Variants in LAMC1 observed in about 807,000 individuals in gnomAD.
LAMC1 encodes laminin subunit gamma-1.
Under a neutral mutation model 173.6 loss-of-function variants are expected in LAMC1, and 38 were observed. The ratio of observed to expected loss-of-function variants is 0.22; its 90% CI spans 0.17 to 0.29. LAMC1 has a LOEUF of 0.29. LAMC1 is among the 10% of genes least tolerant of loss of function. LAMC1 has a pLI of 1.00. For missense variants in LAMC1, 1,824 were observed against 2,051.8 expected, an observed-to-expected ratio of 0.89 and a Z score of 2.14; for synonymous variants, 746 against 749.1, an observed-to-expected ratio of 1.00 and a Z score of 0.07.
At chr1:183,097,984 G>T (rs1449882921) in intron 1 of LAMC1, among the ~76,000 whole-genome samples, 1 of 151,078 alleles carries the variant, frequency 6.6e-6, no homozygotes, top group Admixed American at 6.6e-5. Context: ...AGATGTTCTG[G>T]TTGAATAGTT....
At chr1:183,083,493 G>A (rs909917878) in intron 1 of LAMC1, among the ~76,000 whole-genome samples, 1 of 152,192 alleles carries the variant, frequency 6.6e-6, no homozygotes, top group African/African-American at 2.4e-5. Flanking sequence ...TCAGTTAAAT[G>A]TAGGTCATTC....
At chr1:183,109,584 C>T (rs1018182676) in intron 3 of LAMC1, among the ~76,000 whole-genome samples, 3 of 152,066 alleles carry the variant, frequency 2.0e-5, no homozygotes, top group Non-Finnish European at 4.4e-5. Context: ...TGGGGGACAT[C>T]AAAGTTTGTG....
chr1:183,090,774 C>A (rs933914643), intron 1 of LAMC1, among the ~76,000 whole-genome samples: 2 of 152,200 alleles, frequency 1.3e-5, no homozygotes, highest in African/African-American at 4.8e-5. Context: ...CAGTTTCCCC[C>A]CTTCACTGCA....
At chr1:183,107,603 G>C (rs1438866707) in intron 2 of LAMC1, among the ~76,000 whole-genome samples, 3 of 152,196 alleles carry the variant, frequency 2.0e-5, no homozygotes, top group Admixed American at 2.0e-4. Context: ...GGCCGAGGCG[G>C]GTGTATCACG....
chr1:183,127,468 A>G (rs964445819), intron 17 of LAMC1, 64 bp downstream of exon 17: 2 of 1,443,298 alleles, frequency 1.4e-6, no homozygotes, highest in African/African-American at 2.8e-5. Flanking sequence ...CTTACTGTGC[A>G]CTAATCTCTA....
chr1:183,060,101 C>T (rs1654703379), intron 1 of LAMC1, among the ~76,000 whole-genome samples: 1 of 152,104 alleles, frequency 6.6e-6, no homozygotes, highest in African/African-American at 2.4e-5. Flanking sequence ...CTTTAGAAAC[C>T]TCACATCTGA....
At chr1:183,110,406 T>A in intron 3 of LAMC1, 82 bp from the exon 4 acceptor site, 1 of 1,089,246 alleles carries the variant, frequency 9.2e-7, no homozygotes, top group Non-Finnish European at 1.3e-6. Context: ...AAAACTTACT[T>A]CTTTGTGTAC....
At chr1:183,037,896 C>CT (rs113154742) in intron 1 of LAMC1, among the ~76,000 whole-genome samples, 3,405 of 152,094 alleles carry the variant, frequency 0.022, 65 homozygotes, top group South Asian at 0.079. Context: ...GCCCTATCCC[C>CT]TTTTTAAAAA....
intron 11 of LAMC1, among the ~76,000 whole-genome samples, chr1:183,121,333 G>A (rs965254662): frequency 2.0e-5 from 3 of 152,136 alleles, no homozygotes; most frequent in Non-Finnish European, 2.9e-5. Context: ...GGCTGAGACA[G>A]GAGAATTGCT....
intron 1 of LAMC1, among the ~76,000 whole-genome samples, chr1:183,073,681 C>A (rs1325582280): frequency 6.6e-6 from 1 of 152,036 alleles, no homozygotes; most frequent in African/African-American, 2.4e-5. Flanking sequence ...AGATACTAGG[C>A]CTCAAAGTAC....
At position 183,134,905 on chromosome 1, in the gene LAMC1, C is replaced by T. The variant is rs1656895083; in HGVS notation, c.3999+96C>T. 10 of 1,393,598 alleles carry T rather than the reference C, an allele frequency of 7.2e-6. No individual in the cohort carries two copies. In the Admixed American group the frequency reaches 1.3e-4, roughly 18 times the overall value. 86.3% of individuals were successfully genotyped at this position (1,393,598 alleles called of 1,614,324 possible). On this transcript the variant is annotated intron_variant, in intron 23 of 27. Transcript: ENST00000258341. ...TGCCGTACTTTCAGAGACAGCAGAC[C>T]CCAGTGCTGAGAGAGCAGCCTAACA...
chr1:183,033,611 A>G (rs963372693), intron 1 of LAMC1, among the ~76,000 whole-genome samples: 2 of 152,190 alleles, frequency 1.3e-5, no homozygotes, highest in Non-Finnish European at 2.9e-5. Flanking sequence ...TCATTTAAAC[A>G]TGGTCTAGGT....
chr1:183,134,874 T>G (rs1571465288), intron 23 of LAMC1, 65 bp downstream of exon 23: 1 of 1,163,682 alleles, frequency 8.6e-7, no homozygotes, highest in Non-Finnish European at 1.2e-6. Context: ...AATGGGTCTG[T>G]GATGATGCCG....
chr1:183,049,932 A>C (rs745446245), intron 1 of LAMC1, among the ~76,000 whole-genome samples: 1 of 152,208 alleles, frequency 6.6e-6, no homozygotes, highest in Non-Finnish European at 1.5e-5. Context: ...TAGTAAATCA[A>C]ATCTGTAGTA....
chr1:183,125,596 T>A lies in LAMC1; in HGVS notation c.2801+46T>A, dbSNP rs1260317970. The A allele has an allele frequency of 3.5e-6, 5 of 1,411,532 alleles. No homozygotes were observed. The South Asian group carries it at 5.7e-5, about 16-fold the overall frequency. 87.4% of individuals were successfully genotyped at this position (1,411,532 alleles called of 1,614,324 possible). Reference sequence around the variant, plus strand: ...GTGAAAGTAATCTTTGCTTTTTCTGTTATAAAAAATGAATTTTTATAAGTA... The same window carrying A: ...GTGAAAGTAATCTTTGCTTTTTCTGATATAAAAAATGAATTTTTATAAGTA... On this transcript the variant is annotated intron_variant, in intron 15 of 27. Coordinates refer to ENST00000258341, the MANE Select transcript of LAMC1 (RefSeq NM_002293.4).
intron 1 of LAMC1, among the ~76,000 whole-genome samples, chr1:183,069,859 G>A: frequency 6.6e-6 from 1 of 152,196 alleles, no homozygotes; most frequent in East Asian, 1.9e-4. Flanking sequence ...CAGGTAGCCA[G>A]CACCAGTGGA....
chr1:183,101,220 G>A (rs1347133473), intron 1 of LAMC1, among the ~76,000 whole-genome samples: 1 of 151,968 alleles, frequency 6.6e-6, no homozygotes, highest in Non-Finnish European at 1.5e-5. Flanking sequence ...AACAGTCGAG[G>A]CCACCTACTC....
At chr1:183,124,555 C>T in intron 13 of LAMC1, 76 bp from the exon 14 acceptor site, 2 of 1,535,268 alleles carry the variant, frequency 1.3e-6, no homozygotes, top group Non-Finnish European at 1.8e-6. Context: ...CACTAGATTA[C>T]CTGTAGCCAG....
At chr1:183,108,518 A>G (rs1010244224) in intron 3 of LAMC1, 112 bp downstream of exon 3, 49 of 933,196 alleles carry the variant, frequency 5.3e-5, no homozygotes, top group Admixed American at 3.8e-4. Context: ...TTTCTTTACC[A>G]AGAATAGGAG....
Sources: gnomAD v4.1 joint callset for allele counts (sites outside exome capture counted in the v4.1 genomes callset) on GRCh38, gnomAD v4.1.1 for gene constraint, MANE v1.5 for transcripts, NCBI Gene and HGNC (gene_info 2026-07-23, HGNC 2026-07-21) for gene names.